KCNQ5: variants seen among roughly 807,000 people sequenced by gnomAD.
The protein encoded by KCNQ5 is potassium voltage-gated channel subfamily Q member 5.
In KCNQ5, 30 loss-of-function variants were observed where a neutral mutation model predicts 98.2. The observed-to-expected ratio is 0.31, with a 90% CI of 0.23 to 0.41. The LOEUF is 0.41. KCNQ5 is among the 10% of genes least tolerant of loss of function. The pLI, the probability that KCNQ5 is intolerant of heterozygous loss-of-function variation, is 1.00. For synonymous variants in KCNQ5, 458 were observed against 449.4 expected (o/e 1.02, Z -0.24); for missense variants, 835 against 1,182.5 (o/e 0.71, Z 4.31).
intron 1 of KCNQ5, among the ~76,000 whole-genome samples, chr6:72,813,326 T>C (rs1775335817): frequency 6.6e-6 from 1 of 152,198 alleles, no homozygotes; most frequent in African/African-American, 2.4e-5. Flanking sequence ...TTATTTTTTA[T>C]TTTTTTCCAT....
intron 1 of KCNQ5, among the ~76,000 whole-genome samples, chr6:72,840,094 T>C (rs1284178503): frequency 3.3e-5 from 5 of 152,198 alleles, no homozygotes; most frequent in Non-Finnish European, 7.3e-5. Context: ...CAGAATTATC[T>C]TTTTTTAAGG....
intron 2 of KCNQ5, among the ~76,000 whole-genome samples, chr6:73,029,632 T>C (rs1450170567): frequency 6.6e-6 from 1 of 151,800 alleles, no homozygotes; most frequent in Non-Finnish European, 1.5e-5. Context: ...TCTTACTCAA[T>C]TTAAAAGTAT....
At chr6:73,104,784 A>G (rs1184661325) in intron 5 of KCNQ5, among the ~76,000 whole-genome samples, 1 of 152,176 alleles carries the variant, frequency 6.6e-6, no homozygotes, top group Non-Finnish European at 1.5e-5. Flanking sequence ...TGTTTCTCTT[A>G]TTAGGCCATA....
At chr6:72,879,609 A>T (rs1778563237) in intron 1 of KCNQ5, among the ~76,000 whole-genome samples, 1 of 152,120 alleles carries the variant, frequency 6.6e-6, no homozygotes, top group Non-Finnish European at 1.5e-5. Flanking sequence ...ACAATTTAAC[A>T]GTTTGTTTAA....
At chr6:72,855,224 C>T (rs139368349) in intron 1 of KCNQ5, among the ~76,000 whole-genome samples, 154 of 151,430 alleles carry the variant, frequency 1.0e-3, no homozygotes, top group Middle Eastern at 3.4e-3. Flanking sequence ...ATTTTAAACA[C>T]GATAAATTAA....
chr6:72,764,752 CT>C (rs1772478633), intron 1 of KCNQ5, among the ~76,000 whole-genome samples: 1 of 151,898 alleles, frequency 6.6e-6, no homozygotes, highest in Non-Finnish European at 1.5e-5. Flanking sequence ...CTACTTCCCC[CT>C]GCCCCCAGCA....
At chr6:72,755,719 G>A (rs1375125858) in intron 1 of KCNQ5, among the ~76,000 whole-genome samples, 4 of 151,986 alleles carry the variant, frequency 2.6e-5, no homozygotes, top group Admixed American at 2.6e-4. Flanking sequence ...GATTTAGACG[G>A]TCAATTATCT....
rs148818650 is a variant in KCNQ5, at chr6:72,734,367, G to T, written c.398+111780G>T. ...GACGGAGTCTTGCTCTGTCTCCCAG[G>T]CTGGAGTGCAGTGGTATGATCTCGG... is the stretch of plus-strand genomic sequence containing the variant. On this transcript the variant is annotated intron_variant, in intron 1 of 13. Transcript: ENST00000370398. Among the ~76,000 whole-genome samples, 490 of 152,100 alleles carry T rather than the reference G, an allele frequency of 3.2e-3. 4 individuals are homozygous for T. The highest frequency in any genetic ancestry group is 0.011 in the African/African-American group (474 of 41,446).
chr6:72,752,217 G>T (rs1771722217), intron 1 of KCNQ5, among the ~76,000 whole-genome samples: 1 of 152,018 alleles, frequency 6.6e-6, no homozygotes, highest in Non-Finnish European at 1.5e-5. Flanking sequence ...TATTTGAGTT[G>T]GGAGACAGGT....
chr6:72,859,404 C>A (rs181323508), intron 1 of KCNQ5, among the ~76,000 whole-genome samples: 165 of 145,038 alleles, frequency 1.1e-3, no homozygotes, highest in African/African-American at 3.9e-3. Context: ...AAATAATGTA[C>A]CCTTGTTTTC....
chr6:72,628,086 T>A (rs574647717), intron 1 of KCNQ5, among the ~76,000 whole-genome samples: 11 of 152,306 alleles, frequency 7.2e-5, no homozygotes, highest in Non-Finnish European at 4.4e-5. Flanking sequence ...TATTTCTAAA[T>A]ATTAAGTGCC....
chr6:72,975,931 G>A (rs921337740), intron 1 of KCNQ5, among the ~76,000 whole-genome samples: 3 of 152,166 alleles, frequency 2.0e-5, no homozygotes, highest in South Asian at 2.1e-4. Context: ...ATGTGAATGC[G>A]CTCAGAAAGC....
chr6:72,769,551 G>T (rs528004581), intron 1 of KCNQ5, among the ~76,000 whole-genome samples: 2 of 151,660 alleles, frequency 1.3e-5, no homozygotes, highest in South Asian at 4.2e-4. Flanking sequence ...TTAAAGCTCT[G>T]TAGCTGATTC....
rs572227820 is a variant in KCNQ5 at position 72,971,068 on chromosome 6, C to A, written c.399-32840C>A. On this transcript the variant is annotated intron_variant, in intron 1 of 13. Transcript: ENST00000370398. ...ACCATCAGAGTGAACAGGCAACCTACAAAATGGGAGAAAATTTTTGCAATC... is the reference window on the plus strand; with the variant it reads ...ACCATCAGAGTGAACAGGCAACCTAAAAAATGGGAGAAAATTTTTGCAATC... Among the ~76,000 whole-genome samples, 964 of 152,212 alleles carry A rather than the reference C, an allele frequency of 6.3e-3. 7 individuals are homozygous for A. The highest frequency in any genetic ancestry group is 0.011 in the Non-Finnish European group (725 of 68,000).
chr6:72,802,937 T>C (rs1774737902), intron 1 of KCNQ5, among the ~76,000 whole-genome samples: 3 of 152,192 alleles, frequency 2.0e-5, no homozygotes, highest in Non-Finnish European at 4.4e-5. Flanking sequence ...TGTATTGCCG[T>C]GACTGCCCCT....
intron 1 of KCNQ5, among the ~76,000 whole-genome samples, chr6:72,754,481 T>C (rs1415052628): frequency 1.3e-5 from 2 of 152,050 alleles, no homozygotes; most frequent in Non-Finnish European, 2.9e-5. Context: ...CCAAACGACA[T>C]TGGGAAGTGT....
chr6:73,156,947 G>A (rs1777383505), intron 10 of KCNQ5, among the ~76,000 whole-genome samples: 1 of 152,168 alleles, frequency 6.6e-6, no homozygotes, highest in Admixed American at 6.5e-5. Context: ...GGTGGAGGCA[G>A]GCGCTGAGTC....
intron 1 of KCNQ5, among the ~76,000 whole-genome samples, chr6:72,700,833 T>A (rs1488154746): frequency 6.6e-6 from 1 of 152,196 alleles, no homozygotes. Flanking sequence ...AGGCCCAGAA[T>A]GGCTGAGCAA....
intron 1 of KCNQ5, among the ~76,000 whole-genome samples, chr6:72,940,937 A>C (rs1766201084): frequency 6.6e-6 from 1 of 152,208 alleles, no homozygotes; most frequent in Non-Finnish European, 1.5e-5. Flanking sequence ...CTGTGGGAAA[A>C]AAATTTAAAT....
Sources: allele counts gnomAD v4.1 joint callset (sites outside exome capture counted in the v4.1 genomes callset), GRCh38; gene constraint gnomAD v4.1.1; transcripts MANE v1.5; gene names NCBI Gene and HGNC (gene_info 2026-07-23, HGNC 2026-07-21).